The following SLC9A2 variants were observed in gnomAD, a reference collection of about 807,000 sequenced individuals.
The protein encoded by SLC9A2 is solute carrier family 9 member A2.
A neutral mutation model predicts 71.7 loss-of-function variants in SLC9A2; 42 were observed. The observed-to-expected ratio is 0.59, with a 90% CI of 0.46 to 0.76. The LOEUF is 0.76. Ranked by LOEUF, SLC9A2 falls within the 30% of genes least tolerant of loss-of-function variation. SLC9A2 has a pLI of 0.00. For synonymous variants in SLC9A2, 396 were observed against 392.5 expected, an observed-to-expected ratio of 1.01 and a Z score of -0.10; for missense variants, 829 against 1,017.4, an observed-to-expected ratio of 0.81 and a Z score of 2.52.
At chr2:102,663,890 G>C (rs1488779432) in intron 2 of SLC9A2, among the ~76,000 whole-genome samples, 2 of 152,152 alleles carry the variant, frequency 1.3e-5, no homozygotes, top group Admixed American at 1.3e-4. Context: ...AGTTCGCTGA[G>C]TGGCCCCAGA....
intron 1 of SLC9A2, among the ~76,000 whole-genome samples, chr2:102,621,832 A>C (rs1477516846): frequency 6.6e-6 from 1 of 152,220 alleles, no homozygotes; most frequent in Admixed American, 6.5e-5. Context: ...TGGATTTTCC[A>C]GGATGACCAG....
chr2:102,680,681 G>A (rs542647114), intron 3 of SLC9A2, among the ~76,000 whole-genome samples: 1 of 152,178 alleles, frequency 6.6e-6, no homozygotes, highest in Non-Finnish European at 1.5e-5. Context: ...TGTCCCCAAA[G>A]ATGTCCACAT....
intron 5 of SLC9A2, among the ~76,000 whole-genome samples, chr2:102,690,590 G>A (rs893964593): frequency 3.3e-5 from 5 of 152,142 alleles, no homozygotes; most frequent in African/African-American, 1.2e-4. Flanking sequence ...GAGTATAGGG[G>A]AGAGACGGAC....
At chr2:102,684,088 T>G (rs1165414137) in intron 4 of SLC9A2, 46 bp from the exon 5 acceptor site, 9 of 1,384,722 alleles carry the variant, frequency 6.5e-6, no homozygotes, top group Non-Finnish European at 9.2e-6. Context: ...TTTTCATATT[T>G]TGGCCTCACC....
At chr2:102,669,478 T>C (rs1677203851) in intron 3 of SLC9A2, among the ~76,000 whole-genome samples, 3 of 152,168 alleles carry the variant, frequency 2.0e-5, no homozygotes, top group African/African-American at 7.2e-5. Flanking sequence ...CATATGTGTG[T>C]TTCAGTTTCC....
intron 1 of SLC9A2, among the ~76,000 whole-genome samples, chr2:102,621,480 A>C (rs370122625): frequency 1.3e-5 from 2 of 152,096 alleles, no homozygotes; most frequent in East Asian, 3.8e-4. Flanking sequence ...TGTTATGAGC[A>C]TGGTGCTTTA....
At chr2:102,661,259 G>A (rs548759514) in intron 2 of SLC9A2, among the ~76,000 whole-genome samples, 9 of 152,274 alleles carry the variant, frequency 5.9e-5, no homozygotes, top group African/African-American at 1.7e-4. Context: ...TAAATTTTCC[G>A]AGAAGACTTA....
intron 3 of SLC9A2, among the ~76,000 whole-genome samples, chr2:102,671,166 G>A (rs558036860): frequency 6.6e-6 from 1 of 152,228 alleles, no homozygotes; most frequent in African/African-American, 2.4e-5. Flanking sequence ...AGAAGGAAGC[G>A]GGGAATCAAG....
Position 102,657,878 on chromosome 2 carries a change from A to C in SLC9A2, c.604A>C (p.Ile202Leu), listed in dbSNP as rs1676973806. Residue 202 changes from isoleucine to leucine, a missense_variant, in exon 2 of 12, where the codon ATC becomes CTC. Physicochemically the swap from Ile to Leu is conservative, Grantham distance 5. Coordinates refer to ENST00000233969, the MANE Select transcript of SLC9A2 (RefSeq NM_003048.6). ...GATCGAAGCATTCGGCCTCAGCGAC[A>C]TCACTTTGCTCCAGAACCTGCTCTT... ...CQIEAFGLSD[I>L]TLLQNLLFGS... 6.2e-7 allele frequency: 1 copy of C among 1,614,238 alleles called. No individual in the cohort carries two copies. The highest frequency in any genetic ancestry group is 2.2e-5 in the East Asian group (1 of 44,882).
intron 1 of SLC9A2, among the ~76,000 whole-genome samples, chr2:102,631,261 C>T (rs1482139227): frequency 6.6e-6 from 1 of 151,782 alleles, no homozygotes; most frequent in Non-Finnish European, 1.5e-5. Context: ...TATTTCTTTT[C>T]CTTCCTTTTT....
rs530125239 is a variant in SLC9A2, at chr2:102,631,022, C to A, written c.289+10885C>A. 3.9e-5 allele frequency among the ~76,000 whole-genome samples: 6 copies of A among 151,934 alleles called. No individual in the cohort carries two copies. The East Asian group carries it at 1.2e-3, about 29-fold the overall frequency. On this transcript the variant is annotated intron_variant, in intron 1 of 11. Coordinates refer to ENST00000233969, the MANE Select transcript of SLC9A2 (RefSeq NM_003048.6). ...CAGCAGGTGATGTTTATTTGGTAAACGTCTGTTTTCTTTAAGTTGTAAAAT... is the reference window on the plus strand; with the variant it reads ...CAGCAGGTGATGTTTATTTGGTAAAAGTCTGTTTTCTTTAAGTTGTAAAAT...
chr2:102,708,194 T>C lies in SLC9A2; in HGVS notation c.2144T>C (p.Leu715Ser), dbSNP rs1382178493. 6.2e-7 allele frequency: 1 copy of C among 1,614,184 alleles called. No individual in the cohort carries two copies. The highest frequency in any genetic ancestry group is 1.7e-5 in the Admixed American group (1 of 60,026). Residue 715 changes from leucine (L) to serine (S), a missense_variant, in exon 12 of 12, where the codon TTG becomes TCG. This residue lies in a region of SLC9A2 where 223 missense variants were observed against 197.5 expected (regional missense o/e 1.13). Coordinates refer to ENST00000233969, the MANE Select transcript of SLC9A2 (RefSeq NM_003048.6). ...LNLQPRARRF[L>S]PEQFSKKSPQ... is the part of the protein sequence containing the mutation. ...TTGCAGCCCAGAGCCAGGCGCTTCT[T>C]GCCAGAACAGTTCTCCAAGAAATCC...
At position 102,625,589 on chromosome 2, in the gene SLC9A2, C is replaced by T. The variant is rs547117191; in HGVS notation, c.289+5452C>T. ...TGAGGTGTTTGGTTTTTTGTTCTTGCGATAGTTTGCTGAGAATGATGGTTT... is the reference window on the plus strand; with the variant it reads ...TGAGGTGTTTGGTTTTTTGTTCTTGTGATAGTTTGCTGAGAATGATGGTTT... On this transcript the variant is annotated intron_variant, in intron 1 of 11. Transcript: ENST00000233969. Among the ~76,000 whole-genome samples, 48 of 151,268 alleles carry T rather than the reference C, an allele frequency of 3.2e-4. No homozygotes were observed. In the East Asian group the frequency reaches 4.7e-3, roughly 15 times the overall value.
At chr2:102,690,101 C>T (rs1677629673) in intron 5 of SLC9A2, among the ~76,000 whole-genome samples, 1 of 152,124 alleles carries the variant, frequency 6.6e-6, no homozygotes, top group Non-Finnish European at 1.5e-5. Context: ...AGGCATCTGA[C>T]AACTGAACCC....
At chr2:102,690,732 G>A (rs371484747) in intron 5 of SLC9A2, among the ~76,000 whole-genome samples, 1 of 152,116 alleles carries the variant, frequency 6.6e-6, no homozygotes, top group African/African-American at 2.4e-5. Flanking sequence ...GATAAACACT[G>A]TTTGCACAAC....
chr2:102,671,925 G>A (rs1677259580), intron 3 of SLC9A2, among the ~76,000 whole-genome samples: 2 of 152,072 alleles, frequency 1.3e-5, no homozygotes, highest in African/African-American at 4.8e-5. Flanking sequence ...GGAAAACATG[G>A]CGAAATCCCA....
At chr2:102,690,867 C>T (rs1160147386) in intron 5 of SLC9A2, among the ~76,000 whole-genome samples, 1 of 151,202 alleles carries the variant, frequency 6.6e-6, no homozygotes, top group African/African-American at 2.4e-5. Flanking sequence ...TGGAAATTAC[C>T]TGATAATCAG....
chr2:102,626,293 A>G (rs1410175147), intron 1 of SLC9A2, among the ~76,000 whole-genome samples: 1 of 152,208 alleles, frequency 6.6e-6, no homozygotes, highest in Non-Finnish European at 1.5e-5. Flanking sequence ...CTGATCTTTG[A>G]CAAACCTGAC....
At chr2:102,696,725 G>A (rs1243333239) in intron 7 of SLC9A2, among the ~76,000 whole-genome samples, 2 of 152,098 alleles carry the variant, frequency 1.3e-5, no homozygotes, top group Non-Finnish European at 2.9e-5. Context: ...CAGGGCCCTG[G>A]GACTCAGCCT....
Sources: allele counts gnomAD v4.1 joint callset (sites outside exome capture counted in the v4.1 genomes callset), GRCh38; gene constraint gnomAD v4.1.1; regional missense constraint gnomAD v4.1.1; transcripts MANE v1.5; gene names NCBI Gene and HGNC (gene_info 2026-07-23, HGNC 2026-07-21).